Variants in SF3A3 observed in about 807,000 individuals in gnomAD.
SF3A3 encodes the protein splicing factor 3a subunit 3.
SF3A3 carries 9 observed loss-of-function variants against 85.8 expected under a neutral mutation model. The ratio of observed to expected loss-of-function variants is 0.10; its 90% CI spans 0.06 to 0.18. SF3A3 has a LOEUF of 0.18. Among genes scored for constraint, SF3A3 ranks in the 10% least tolerant of loss-of-function variants. The probability of loss-of-function intolerance (pLI) is 1.00; values close to 1 mark genes in which losing one functional copy is unlikely to be tolerated. For synonymous variants in SF3A3, 195 were observed against 204.4 expected, an observed-to-expected ratio of 0.95 and a Z score of 0.39; for missense variants, 306 against 593.3, an observed-to-expected ratio of 0.52 and a Z score of 5.03.
chr1:37,979,153 G>T, intron 9 of SF3A3, 98 bp from the exon 10 acceptor site: 1 of 943,706 alleles, frequency 1.1e-6, no homozygotes, highest in South Asian at 1.3e-5. Flanking sequence ...GCTGTGGCAG[G>T]ACCACACATT....
rs1470230233 is a variant in SF3A3, at chr1:37,958,047, C to T, written c.*139G>A. On this transcript the variant is annotated 3_prime_UTR_variant, in exon 17 of 17. Coordinates refer to ENST00000373019, the MANE Select transcript of SF3A3 (RefSeq NM_006802.4). ...CTCAACCCTGCAATCTGCCAGCATG[C>T]CTTGTTTCTACAAGATGCATGCTAG... 3 of 643,296 alleles carry T rather than the reference C, an allele frequency of 4.7e-6. No homozygotes were observed. Among genetic ancestry groups the T allele is most frequent in the Admixed American group, 5.5e-5 (2 of 36,624 alleles). The allele number at this position is 643,296 out of a possible 1,614,324, so 39.8% of individuals were successfully genotyped here.
chr1:37,978,851 A>C (rs764580369), intron 10 of SF3A3, 24 bp from the exon 11 acceptor site: 3 of 1,572,814 alleles, frequency 1.9e-6, no homozygotes, highest in South Asian at 1.1e-5. Flanking sequence ...ACGGCAAAGG[A>C]TTTTAGGGTT....
chr1:37,986,824 A>AAAAG (rs1553166329), intron 4 of SF3A3, among the ~76,000 whole-genome samples: 3 of 151,282 alleles, frequency 2.0e-5, no homozygotes, highest in Non-Finnish European at 4.4e-5. Context: ...AAAAAAAAAA[A>AAAAG]AAAAAAAAGA....
In SF3A3 at chr1:37,980,635, T is replaced by C; in HGVS notation, c.641A>G (p.Gln214Arg). Residue 214 changes from glutamine (Q) to arginine (R), a missense_variant, in exon 8 of 17, where the codon CAG becomes CGG. Gln to Arg is a conservative substitution (Grantham distance 43). Transcript: ENST00000373019. ...QDQNELFGKIQAEFEKKWENG... is the reference protein window; with the variant it reads ...QDQNELFGKIRAEFEKKWENG... ...CTCCCATTTCTTCTCAAACTCAGCC[T>C]GAATCTTCCCAAAAAGTTCATTCTG... 1 of 1,614,066 alleles carries C rather than the reference T, an allele frequency of 6.2e-7. No individual in the cohort carries two copies. Among genetic ancestry groups the C allele is most frequent in the Non-Finnish European group, 8.5e-7 (1 of 1,179,988 alleles).
At chr1:37,961,283 G>A (rs1479123592) in intron 15 of SF3A3, among the ~76,000 whole-genome samples, 2 of 152,094 alleles carry the variant, frequency 1.3e-5, no homozygotes, top group East Asian at 3.9e-4. Flanking sequence ...TTTGCTAATT[G>A]CTTTAAATGA....
chr1:37,961,127 T>C (rs1646254791), intron 15 of SF3A3, among the ~76,000 whole-genome samples: 1 of 152,148 alleles, frequency 6.6e-6, no homozygotes, highest in Admixed American at 6.5e-5. Flanking sequence ...AGCAGAATAA[T>C]CTAAACTTGA....
intron 12 of SF3A3, among the ~76,000 whole-genome samples, chr1:37,974,321 G>C (rs1414502618): frequency 2.7e-5 from 2 of 75,000 alleles, no homozygotes; most frequent in Non-Finnish European, 5.4e-5. Context: ...TTTTTTTTTT[G>C]AGATGGAGTC....
Position 37,957,736 on chromosome 1 carries a change from T to C in SF3A3, c.*450A>G, listed in dbSNP as rs2148712962. 1 of 156,394 alleles carries C rather than the reference T, an allele frequency of 6.4e-6. No homozygotes were observed. The highest frequency in any genetic ancestry group is 6.4e-5 in the Admixed American group (1 of 15,748). The allele number at this position is 156,394 out of a possible 1,614,324, so 9.7% of individuals were successfully genotyped here. ...TCCTAGTCTTTCCCTAGTATTTGCA[T>C]CAATGGCTAACTAAGCTGATGGCAG... is the stretch of plus-strand genomic sequence containing the variant. On this transcript the variant is annotated 3_prime_UTR_variant, in exon 17 of 17. Transcript: ENST00000373019.
chr1:37,977,431 G>A (rs1331465049), intron 11 of SF3A3, among the ~76,000 whole-genome samples: 2 of 152,172 alleles, frequency 1.3e-5, no homozygotes. Context: ...GGCCAGGCTC[G>A]GTGGCTCATG....
intron 4 of SF3A3, 45 bp downstream of exon 4, chr1:37,987,528 T>C (rs760235283): frequency 7.4e-7 from 1 of 1,343,016 alleles, no homozygotes; most frequent in Non-Finnish European, 1.1e-6. Flanking sequence ...TCCTTTAGTA[T>C]GCTTTAAGGA....
At chr1:37,966,994 T>A (rs182915747) in intron 15 of SF3A3, among the ~76,000 whole-genome samples, 4 of 122,654 alleles carry the variant, frequency 3.3e-5, no homozygotes, top group East Asian at 2.5e-4. Context: ...TCACGCCTGT[T>A]ATCCCAGCAC....
chr1:37,961,773 AAAAAAAAAAAG>A (rs1298178790), intron 15 of SF3A3, among the ~76,000 whole-genome samples: 2 of 144,504 alleles, frequency 1.4e-5, no homozygotes, highest in African/African-American at 5.3e-5. Context: ...AAAAAAAAAA[AAAAAAAAAAAG>A]AAAGAAAGAA....
intron 15 of SF3A3, among the ~76,000 whole-genome samples, chr1:37,967,677 C>CAAAAAAAAAAAAAAAAAA (rs34369006): frequency 2.3e-5 from 1 of 44,236 alleles, no homozygotes; most frequent in Admixed American, 4.4e-4. Flanking sequence ...GACTCCGTCA[C>CAAAAAAAAAAAAAAAAAA]AAAAAAAAAA....
chr1:37,987,944 T>C (rs1333403055), intron 2 of SF3A3, 108 bp from the exon 3 acceptor site: 8 of 863,438 alleles, frequency 9.3e-6, no homozygotes, highest in Non-Finnish European at 1.6e-5. Flanking sequence ...TCAAGAGACA[T>C]GGATATGAGA....
intron 16 of SF3A3, among the ~76,000 whole-genome samples, chr1:37,959,574 AATT>A (rs912524330): frequency 1.3e-5 from 2 of 150,910 alleles, no homozygotes; most frequent in Non-Finnish European, 3.0e-5. Flanking sequence ...ACACTTGGCT[AATT>A]ATTATTATTA....
chr1:37,989,148 A>G (rs1416178780), intron 2 of SF3A3, among the ~76,000 whole-genome samples: 6 of 152,002 alleles, frequency 3.9e-5, no homozygotes, highest in Admixed American at 2.6e-4. Flanking sequence ...TACAAAAATT[A>G]GCTGAGCGTG....
intron 16 of SF3A3, among the ~76,000 whole-genome samples, chr1:37,958,700 C>T (rs1646236474): frequency 1.3e-5 from 2 of 152,094 alleles, no homozygotes; most frequent in Non-Finnish European, 2.9e-5. Context: ...ATGTCCAGGG[C>T]AATTCTGCTT....
intron 15 of SF3A3, chr1:37,960,440 T>C (rs4653339): frequency 1 from 443,081 of 443,350 alleles, 221,409 homozygotes; most frequent in East Asian, 1. Flanking sequence ...CTGATACTCT[T>C]GAAGGAGGTT....
intron 8 of SF3A3, among the ~76,000 whole-genome samples, chr1:37,979,975 T>C (rs775000488): frequency 2.6e-5 from 4 of 152,214 alleles, no homozygotes; most frequent in African/African-American, 4.8e-5. Context: ...AAACTCATGT[T>C]TATCCCTAGA....
Sources: allele counts gnomAD v4.1 joint callset (sites outside exome capture counted in the v4.1 genomes callset), GRCh38; gene constraint gnomAD v4.1.1; transcripts MANE v1.5; gene names NCBI Gene and HGNC (gene_info 2026-07-23, HGNC 2026-07-21).